ST8SIA4: variants seen among roughly 807,000 people sequenced by gnomAD.
ST8SIA4 encodes ST8 alpha-N-acetyl-neuraminide alpha-2,8-sialyltransferase 4.
In ST8SIA4, 15 loss-of-function variants were observed where a neutral mutation model predicts 33.9. That is an observed-to-expected ratio of 0.44 (90% CI 0.30 to 0.68). The LOEUF is 0.68. ST8SIA4 is among the 30% of genes least tolerant of loss of function. The pLI, the probability that ST8SIA4 is intolerant of heterozygous loss-of-function variation, is 0.10. For synonymous variants in ST8SIA4, 171 were observed against 151.2 expected, an observed-to-expected ratio of 1.13 and a Z score of -0.96; for missense variants, 321 against 428.0, an observed-to-expected ratio of 0.75 and a Z score of 2.21.
At chr5:100,902,089 C>T (rs947265135) in intron 1 of ST8SIA4, among the ~76,000 whole-genome samples, 13 of 152,156 alleles carry the variant, frequency 8.5e-5, no homozygotes, top group Non-Finnish European at 1.8e-4. Context: ...GTTGCACCAC[C>T]TCCTGGGTAA....
chr5:100,812,720 T>TA (rs1439392561), intron 4 of ST8SIA4, among the ~76,000 whole-genome samples: 4 of 152,162 alleles, frequency 2.6e-5, no homozygotes, highest in African/African-American at 9.6e-5. Context: ...GAATAATTGA[T>TA]AGTTTTCCAG....
chr5:100,860,980 A>G (rs922152650), intron 3 of ST8SIA4, among the ~76,000 whole-genome samples: 1 of 152,202 alleles, frequency 6.6e-6, no homozygotes, highest in African/African-American at 2.4e-5. Flanking sequence ...TATACCTCAG[A>G]TCTCTTGATA....
At chr5:100,882,583 A>T (rs1306119041) in intron 3 of ST8SIA4, among the ~76,000 whole-genome samples, 1 of 152,230 alleles carries the variant, frequency 6.6e-6, no homozygotes, top group Non-Finnish European at 1.5e-5. Flanking sequence ...CAATGGGGAA[A>T]ATGTCTCCAA....
At position 100,843,848 on chromosome 5, in the gene ST8SIA4, C is replaced by CA. The variant is rs372708343; in HGVS notation, c.797+12254dup. 2.1e-3 allele frequency among the ~76,000 whole-genome samples: 318 copies of CA among 152,004 alleles called. 1 individual carries two copies. Among genetic ancestry groups the CA allele is most frequent in the African/African-American group, 7.4e-3 (309 of 41,540 alleles). ...TATAAATCCCTTCTTTTAATCTCAA[C>CA]AACTTATTTGCCCCTAAGAATGAAT... On this transcript the variant is annotated intron_variant, in intron 4 of 4. Transcript: ENST00000231461.
At chr5:100,880,070 C>T (rs1752383593) in intron 3 of ST8SIA4, among the ~76,000 whole-genome samples, 1 of 151,910 alleles carries the variant, frequency 6.6e-6, no homozygotes, top group Non-Finnish European at 1.5e-5. Context: ...ACACTTTTCT[C>T]CCTCCTCTCC....
At chr5:100,889,772 G>A (rs1287166972) in intron 2 of ST8SIA4, among the ~76,000 whole-genome samples, 4 of 151,972 alleles carry the variant, frequency 2.6e-5, no homozygotes, top group African/African-American at 7.2e-5. Flanking sequence ...TGCTTAATAA[G>A]ATAAATAATT....
intron 3 of ST8SIA4, among the ~76,000 whole-genome samples, chr5:100,880,092 C>T (rs60663279): frequency 0.3 from 45,841 of 151,814 alleles, 7,032 homozygotes; most frequent in Middle Eastern, 0.33. Flanking sequence ...TCCCTCTCTC[C>T]TTTACTTCCT....
intron 4 of ST8SIA4, among the ~76,000 whole-genome samples, chr5:100,821,943 T>A (rs1417512504): frequency 2.0e-5 from 3 of 152,158 alleles, no homozygotes; most frequent in African/African-American, 7.2e-5. Context: ...TCCATGAGCA[T>A]ATAAGAAAGG....
In ST8SIA4 at chr5:100,899,330, A is replaced by G. The variant is rs374094043; in HGVS notation, c.113+3513T>C. On this transcript the variant is annotated intron_variant, in intron 1 of 4. Coordinates refer to ENST00000231461, the MANE Select transcript of ST8SIA4 (RefSeq NM_005668.6). ...AAGATGATAGTTTCTACCTTAATTT[A>G]TGAGTTTTAGTAGAATTGTGAAATG... is the stretch of plus-strand genomic sequence containing the variant. 3.3e-5 allele frequency among the ~76,000 whole-genome samples: 5 copies of G among 152,224 alleles called. No homozygotes were observed. The South Asian group carries it at 1.0e-3, about 31-fold the overall frequency.
chr5:100,823,308 T>C (rs1304594042), intron 4 of ST8SIA4, among the ~76,000 whole-genome samples: 1 of 152,280 alleles, frequency 6.6e-6, no homozygotes, highest in Admixed American at 6.5e-5. Context: ...AAGGTATGAA[T>C]AATCCACCCC....
intron 1 of ST8SIA4, among the ~76,000 whole-genome samples, chr5:100,902,073 C>T (rs1752930842): frequency 6.6e-6 from 1 of 152,150 alleles, no homozygotes; most frequent in African/African-American, 2.4e-5. Flanking sequence ...ATGTCAGCAA[C>T]ACAAAGTTGC....
chr5:100,888,392 T>A (rs1310841947), intron 2 of ST8SIA4, among the ~76,000 whole-genome samples: 1 of 151,868 alleles, frequency 6.6e-6, no homozygotes, highest in Non-Finnish European at 1.5e-5. Flanking sequence ...TACAAAAGTC[T>A]GGAATTGTTT....
chr5:100,829,541 A>T (rs1035844630), intron 4 of ST8SIA4, among the ~76,000 whole-genome samples: 1 of 152,212 alleles, frequency 6.6e-6, no homozygotes, highest in African/African-American at 2.4e-5. Context: ...GAAAGTCATA[A>T]GTTACAGTAG....
intron 3 of ST8SIA4, among the ~76,000 whole-genome samples, chr5:100,880,434 C>T (rs1752394162): frequency 6.6e-6 from 1 of 152,078 alleles, no homozygotes; most frequent in Non-Finnish European, 1.5e-5. Flanking sequence ...TCCTTTCCCC[C>T]AAATAAGGGG....
At chr5:100,866,972 C>G (rs1752079133) in intron 3 of ST8SIA4, among the ~76,000 whole-genome samples, 2 of 152,074 alleles carry the variant, frequency 1.3e-5, no homozygotes, top group South Asian at 4.1e-4. Flanking sequence ...TTAATTTCAC[C>G]ATTTATCACA....
chr5:100,886,049 T>C, intron 3 of ST8SIA4: 1 of 1,109,894 alleles, frequency 9.0e-7, no homozygotes, highest in Non-Finnish European at 1.1e-6. Flanking sequence ...AAGAAAAAAG[T>C]TTGTGTGGAA....
intron 4 of ST8SIA4, among the ~76,000 whole-genome samples, chr5:100,816,029 C>T (rs759555323): frequency 3.9e-5 from 6 of 152,160 alleles, no homozygotes; most frequent in Non-Finnish European, 7.4e-5. Context: ...GTGGTAACGT[C>T]GTTTAACCTC....
At chr5:100,860,080 C>T (rs940647583) in intron 3 of ST8SIA4, among the ~76,000 whole-genome samples, 29 of 152,052 alleles carry the variant, frequency 1.9e-4, no homozygotes, top group African/African-American at 5.1e-4. Flanking sequence ...GGAGTAAATA[C>T]GGTGTAAAAC....
chr5:100,845,757 A>G (rs1391221034), intron 4 of ST8SIA4, among the ~76,000 whole-genome samples: 3 of 152,016 alleles, frequency 2.0e-5, no homozygotes, highest in Non-Finnish European at 4.4e-5. Context: ...ATTTTTAGTA[A>G]CGATTTTTCC....
Sources: allele counts gnomAD v4.1 joint callset (sites outside exome capture counted in the v4.1 genomes callset), GRCh38; gene constraint gnomAD v4.1.1; transcripts MANE v1.5; gene names NCBI Gene and HGNC (gene_info 2026-07-23, HGNC 2026-07-21).